MCCC1: variants seen among roughly 807,000 people sequenced by gnomAD.
MCCC1 encodes methylcrotonoyl-CoA carboxylase subunit alpha, mitochondrial.
MCCC1 carries 64 observed loss-of-function variants against 83.8 expected under a neutral mutation model. That is an observed-to-expected ratio of 0.76 (90% CI 0.62 to 0.94). The LOEUF (loss-of-function observed/expected upper bound fraction) is 0.94, where lower values mean the gene tolerates loss of function less well. MCCC1 is among the 40% of genes least tolerant of loss of function. The pLI, the probability that MCCC1 is intolerant of heterozygous loss-of-function variation, is 0.00. For missense variants in MCCC1, 807 were observed against 904.7 expected, an observed-to-expected ratio of 0.89 and a Z score of 1.39; for synonymous variants, 322 against 315.4, an observed-to-expected ratio of 1.02 and a Z score of -0.22.
intron 14 of MCCC1, chr3:183,029,263 ATGC>A (rs1712855426): frequency 6.6e-6 from 1 of 152,212 alleles, no homozygotes; most frequent in Non-Finnish European, 1.5e-5. Context: ...GATCATTTTG[ATGC>A]TGCCAGCTCA....
At chr3:183,098,176 G>A (rs1377964444) in intron 1 of MCCC1, among the ~76,000 whole-genome samples, 1 of 152,182 alleles carries the variant, frequency 6.6e-6, no homozygotes, top group Non-Finnish European at 1.5e-5. Context: ...TGATCTGCCC[G>A]CCTCGGCGTC....
At chr3:183,044,658 T>A (rs552757287) in intron 10 of MCCC1, among the ~76,000 whole-genome samples, 2 of 152,224 alleles carry the variant, frequency 1.3e-5, no homozygotes, top group African/African-American at 4.8e-5. Context: ...AGGTAGACCA[T>A]GAGGCTTTGA....
intron 1 of MCCC1, among the ~76,000 whole-genome samples, chr3:183,112,490 C>T (rs1351051459): frequency 6.6e-6 from 1 of 151,296 alleles, no homozygotes. Context: ...ATGAGTTTTT[C>T]TCCCCTGGTT....
chr3:183,100,920 G>A (rs1296574915), upstream of MCCC1, among the ~76,000 whole-genome samples: 4 of 152,264 alleles, frequency 2.6e-5, no homozygotes, highest in African/African-American at 9.6e-5. Flanking sequence ...CGGGAACTGG[G>A]GCTGTGTGCG....
upstream of MCCC1, among the ~76,000 whole-genome samples, chr3:183,100,984 A>C (rs1375560633): frequency 2.0e-5 from 3 of 152,142 alleles, no homozygotes; most frequent in African/African-American, 7.2e-5. Context: ...TGGGCCCCGC[A>C]CTCGGAACAG....
chr3:183,070,746 A>T (rs1252573470), intron 7 of MCCC1, among the ~76,000 whole-genome samples: 1 of 152,124 alleles, frequency 6.6e-6, no homozygotes, highest in Non-Finnish European at 1.5e-5. Context: ...AAAAAAAAAA[A>T]AATTCTATTC....
chr3:183,070,148 G>A (rs891141078), intron 7 of MCCC1, among the ~76,000 whole-genome samples: 2 of 152,304 alleles, frequency 1.3e-5, no homozygotes, highest in Admixed American at 6.5e-5. Context: ...CACATGGTAA[G>A]TGCAATGTAA....
chr3:183,096,046 G>A (rs902859570), intron 1 of MCCC1, among the ~76,000 whole-genome samples: 3 of 152,248 alleles, frequency 2.0e-5, no homozygotes, highest in Middle Eastern at 6.8e-3. Flanking sequence ...AGCTAAAGAG[G>A]ATAAGTGGGC....
rs1335598093 is a variant in MCCC1, at chr3:183,099,224, G to A, written c.89+128C>T. The A allele has an allele frequency of 6.5e-6, 7 of 1,080,520 alleles. No individual in the cohort carries two copies. In the Admixed American group the frequency reaches 1.2e-4, roughly 19 times the overall value. 66.9% of individuals were successfully genotyped at this position (1,080,520 alleles called of 1,614,324 possible). On this transcript the variant is annotated intron_variant, in intron 1 of 18. Coordinates refer to ENST00000265594, the MANE Select transcript of MCCC1 (RefSeq NM_020166.5). ...GACTGCCGGCAGAACCCCTCCGAAA[G>A]TGCCTGGGGTTTTCCTACCGTCCTC...
intron 1 of MCCC1, among the ~76,000 whole-genome samples, chr3:183,095,894 C>T (rs1445253257): frequency 6.6e-6 from 1 of 152,108 alleles, no homozygotes; most frequent in Non-Finnish European, 1.5e-5. Flanking sequence ...GACAAAATGA[C>T]TTGAGGTATT....
At chr3:183,056,517 C>T (rs2108504416) in intron 8 of MCCC1, among the ~76,000 whole-genome samples, 1 of 152,206 alleles carries the variant, frequency 6.6e-6, no homozygotes, top group East Asian at 1.9e-4. Flanking sequence ...GTTAAATGAG[C>T]AAACGCTGCC....
intron 8 of MCCC1, among the ~76,000 whole-genome samples, chr3:183,056,999 A>G (rs758317896): frequency 5.3e-5 from 8 of 152,152 alleles, no homozygotes; most frequent in Non-Finnish European, 8.8e-5. Flanking sequence ...CTGGCCATTC[A>G]TTACAATTTA....
chr3:183,029,501 A>G (rs1465016441), intron 14 of MCCC1, among the ~76,000 whole-genome samples: 1 of 152,116 alleles, frequency 6.6e-6, no homozygotes, highest in African/African-American at 2.4e-5. Flanking sequence ...TGTTTTCCAC[A>G]TGCAACATCC....
chr3:183,086,819 CT>C, intron 3 of MCCC1, 31 bp from the exon 4 acceptor site: 1 of 1,595,296 alleles, frequency 6.3e-7, no homozygotes, highest in African/African-American at 1.3e-5. Flanking sequence ...GCTTAAAAGA[CT>C]TTGTGGCTAG....
chr3:183,049,315 C>T (rs1031267267), intron 9 of MCCC1, among the ~76,000 whole-genome samples: 2 of 151,678 alleles, frequency 1.3e-5, no homozygotes, highest in Admixed American at 6.6e-5. Flanking sequence ...TTGAAAAGAT[C>T]AATAAAATCA....
intron 8 of MCCC1, among the ~76,000 whole-genome samples, chr3:183,054,441 C>T (rs1715260573): frequency 6.6e-6 from 1 of 151,366 alleles, no homozygotes; most frequent in Admixed American, 6.6e-5. Context: ...CCCGTCTCGG[C>T]CTCCCAAAGC....
chr3:183,061,306 T>C (rs1336027387), intron 7 of MCCC1, among the ~76,000 whole-genome samples: 1 of 152,176 alleles, frequency 6.6e-6, no homozygotes, highest in Non-Finnish European at 1.5e-5. Flanking sequence ...GGGTTGTGGT[T>C]GGCTAACTAC....
intron 4 of MCCC1, 108 bp from the exon 5 acceptor site, chr3:183,072,595 A>G (rs1716779037): frequency 2.5e-6 from 3 of 1,213,426 alleles, no homozygotes; most frequent in Non-Finnish European, 3.6e-6. Context: ...TACACTGGTA[A>G]TAGTATGGTC....
At chr3:183,016,993 A>G in intron 18 of MCCC1, 1 of 486,238 alleles carries the variant, frequency 2.1e-6, no homozygotes, top group Non-Finnish European at 3.7e-6. Flanking sequence ...GAAAATACCA[A>G]CAGTTAACAT....
Sources: allele counts gnomAD v4.1 joint callset (sites outside exome capture counted in the v4.1 genomes callset), GRCh38; gene constraint gnomAD v4.1.1; transcripts MANE v1.5; gene names NCBI Gene and HGNC (gene_info 2026-07-23, HGNC 2026-07-21).